Variants in CYFIP1 observed in about 807,000 individuals in gnomAD.
CYFIP1 encodes the protein cytoplasmic FMR1 interacting protein 1, also known as cytoplasmic FMR1-interacting protein 1.
CYFIP1 carries 58 observed loss-of-function variants against 163.5 expected under a neutral mutation model. That is an observed-to-expected ratio of 0.35 (90% CI 0.29 to 0.44). The LOEUF (loss-of-function observed/expected upper bound fraction) is 0.44, where lower values mean the gene tolerates loss of function less well. Among genes scored for constraint, CYFIP1 ranks in the 20% least tolerant of loss-of-function variants. The pLI is 1.00. For synonymous variants in CYFIP1, 663 were observed against 660.7 expected (o/e 1.00, Z -0.05); for missense variants, 1,338 against 1,653.8 (o/e 0.81, Z 3.31).
At chr15:22,881,200 T>C (rs901097858) in intron 25 of CYFIP1, among the ~76,000 whole-genome samples, 4 of 152,172 alleles carry the variant, frequency 2.6e-5, no homozygotes, top group Admixed American at 1.3e-4. Context: ...CAGTGCCTCG[T>C]CGGTCACCCA....
intron 16 of CYFIP1, among the ~76,000 whole-genome samples, chr15:22,915,493 G>A (rs1442141568): frequency 2.6e-5 from 4 of 151,614 alleles, no homozygotes; most frequent in African/African-American, 9.7e-5. Context: ...GCTCACGCCT[G>A]TAATCCTAGC....
intron 1 of CYFIP1, among the ~76,000 whole-genome samples, chr15:22,975,502 C>T (rs1400062698): frequency 1.3e-5 from 2 of 149,452 alleles, no homozygotes; most frequent in Non-Finnish European, 3.0e-5. Context: ...CGCCTGTAAT[C>T]CCAGCACTCT....
At chr15:22,879,430 C>T (rs917338880) in intron 26 of CYFIP1, among the ~76,000 whole-genome samples, 7 of 152,050 alleles carry the variant, frequency 4.6e-5, no homozygotes, top group South Asian at 2.1e-4. Flanking sequence ...GGTGGGCTCC[C>T]GGGGGCTCCC....
chr15:22,959,368 C>T (rs944962153), intron 1 of CYFIP1, among the ~76,000 whole-genome samples: 1 of 152,224 alleles, frequency 6.6e-6, no homozygotes, highest in African/African-American at 2.4e-5. Flanking sequence ...TGGCGGTCTC[C>T]GGGAGGACAG....
intron 23 of CYFIP1, among the ~76,000 whole-genome samples, chr15:22,888,595 G>C (rs567063277): frequency 6.3e-4 from 96 of 152,130 alleles, no homozygotes; most frequent in Non-Finnish European, 7.4e-4. Context: ...AGCCAGATGT[G>C]GTGGTGCATG....
chr15:22,903,947 G>A (rs538747134), intron 21 of CYFIP1, 42 bp from the exon 22 acceptor site: 4 of 1,594,690 alleles, frequency 2.5e-6, no homozygotes, highest in South Asian at 1.1e-5. Context: ...AGCTGGTCCA[G>A]GCAGGAAGGA....
At chr15:22,979,950 G>A (rs903907111) in intron 1 of CYFIP1, among the ~76,000 whole-genome samples, 12 of 152,172 alleles carry the variant, frequency 7.9e-5, no homozygotes, top group Middle Eastern at 3.2e-3. Flanking sequence ...GTGCCGGGGC[G>A]CGGAATCCGG....
intron 22 of CYFIP1, among the ~76,000 whole-genome samples, chr15:22,894,506 T>C (rs2141962882): frequency 6.6e-6 from 1 of 151,624 alleles, no homozygotes; most frequent in South Asian, 2.1e-4. Context: ...GTCAGGCTGG[T>C]CTTGAACTCC....
chr15:22,881,027 T>C (rs535022999), intron 25 of CYFIP1, among the ~76,000 whole-genome samples: 3 of 152,276 alleles, frequency 2.0e-5, no homozygotes, highest in African/African-American at 4.8e-5. Context: ...ACAGATTCTC[T>C]TGAGCCAGGG....
intron 1 of CYFIP1, among the ~76,000 whole-genome samples, chr15:22,964,274 C>CCA (rs60879784): frequency 0.22 from 21,121 of 96,836 alleles, 2,935 homozygotes; most frequent in East Asian, 0.33. Context: ...CTCCTCCTCA[C>CCA]CACACACACA....
In CYFIP1 at chr15:22,896,806, C is replaced by G. The variant is rs182909885; in HGVS notation, c.2589-3829G>C. On this transcript the variant is annotated intron_variant, in intron 22 of 30. Coordinates refer to ENST00000617928, the MANE Select transcript of CYFIP1 (RefSeq NM_014608.6). ...CTGTTTTGTACAGAGTGATTTTTCT[C>G]TGGGCTATGGGTCACATTTTCCTGG... Among the ~76,000 whole-genome samples the G allele has an allele frequency of 1.7e-4, 26 of 152,196 alleles. No homozygotes were observed. The East Asian group carries it at 3.1e-3, about 18-fold the overall frequency.
intron 1 of CYFIP1, among the ~76,000 whole-genome samples, chr15:22,971,126 T>A (rs1450966795): frequency 6.6e-6 from 1 of 151,960 alleles, no homozygotes; most frequent in East Asian, 1.9e-4. Context: ...TCAAAACAGA[T>A]CAACGCCTAA....
chr15:22,872,867 T>C lies in CYFIP1; in HGVS notation c.3555A>G (p.Lys1185=). Residue 1185 remains lysine, a synonymous_variant, in exon 30 of 31, where the codon AAA becomes AAG. Transcript: ENST00000617928. The part of the protein sequence containing the change: ...AVLDFCYHLL[K]VQKHDGKDEI... ...CATCTTTGCCATCATGTTTCTGGAC[T>C]TTAAGTAGATGGTAGCAGAAATCCA... 6.2e-7 allele frequency: 1 copy of C among 1,614,118 alleles called. No homozygotes were observed. The highest frequency in any genetic ancestry group is 8.5e-7 in the Non-Finnish European group (1 of 1,179,976).
At chr15:22,918,580 G>C in intron 14 of CYFIP1, 112 bp downstream of exon 14, 1 of 1,004,572 alleles carries the variant, frequency 1.0e-6, no homozygotes, top group Non-Finnish European at 1.4e-6. Context: ...TCTGAAGGTT[G>C]AAGATAAATA....
chr15:22,883,892 A>G (rs1228558321), intron 23 of CYFIP1, among the ~76,000 whole-genome samples: 1 of 151,948 alleles, frequency 6.6e-6, no homozygotes, highest in African/African-American at 2.4e-5. Flanking sequence ...CAGAAAACTT[A>G]CAGTTATGCA....
At chr15:22,937,299 T>G in intron 8 of CYFIP1, 91 bp from the exon 9 acceptor site, 1 of 748,276 alleles carries the variant, frequency 1.3e-6, no homozygotes, top group South Asian at 1.6e-5. Context: ...CTGATGACTT[T>G]GAAGGCACAA....
chr15:22,916,370 G>A, intron 16 of CYFIP1, 107 bp downstream of exon 16: 1 of 821,700 alleles, frequency 1.2e-6, no homozygotes, highest in South Asian at 1.6e-5. Context: ...CCGTCTGGGT[G>A]CACCAAGGGA....
intron 9 of CYFIP1, 128 bp from the exon 10 acceptor site, chr15:22,934,021 CA>C (rs879003206): frequency 9.3e-4 from 464 of 497,500 alleles, no homozygotes; most frequent in South Asian, 1.6e-3. Flanking sequence ...TGATTCATTA[CA>C]AAAAAAAAAC....
intron 1 of CYFIP1, among the ~76,000 whole-genome samples, chr15:22,962,158 A>T (rs1023947537): frequency 1.3e-5 from 2 of 152,180 alleles, no homozygotes; most frequent in African/African-American, 4.8e-5. Context: ...AAATTTCAGC[A>T]AACTGATTGG....
Sources: allele counts gnomAD v4.1 joint callset (sites outside exome capture counted in the v4.1 genomes callset), GRCh38; gene constraint gnomAD v4.1.1; transcripts MANE v1.5; gene names NCBI Gene and HGNC (gene_info 2026-07-23, HGNC 2026-07-21).